GAD2: variants seen among roughly 807,000 people sequenced by gnomAD.
GAD2 encodes the protein glutamate decarboxylase 2.
In GAD2, 22 loss-of-function variants were observed where a neutral mutation model predicts 80.1. The observed-to-expected ratio is 0.27, with a 90% confidence interval of 0.20 to 0.39. The LOEUF (loss-of-function observed/expected upper bound fraction) is 0.39. Among genes scored for constraint, GAD2 ranks in the 10% least tolerant of loss-of-function variants. The pLI is 1.00. For missense variants in GAD2, 624 were observed against 738.4 expected (o/e 0.85, Z 1.80); for synonymous variants, 274 against 256.9 (o/e 1.07, Z -0.64).
intron 6 of GAD2, among the ~76,000 whole-genome samples, chr10:26,227,144 C>T (rs1420696651): frequency 6.6e-6 from 1 of 152,132 alleles, no homozygotes; most frequent in African/African-American, 2.4e-5. Flanking sequence ...AGGCATGCAC[C>T]ACCATGCCCA....
intron 8 of GAD2, among the ~76,000 whole-genome samples, chr10:26,258,705 G>T (rs1844973422): frequency 6.6e-6 from 1 of 152,114 alleles, no homozygotes; most frequent in Admixed American, 6.5e-5. Flanking sequence ...GCATGTGTTA[G>T]AATTTCCTTC....
chr10:26,275,330 C>A (rs1025850063), intron 11 of GAD2, among the ~76,000 whole-genome samples: 1 of 152,190 alleles, frequency 6.6e-6, no homozygotes, highest in African/African-American at 2.4e-5. Context: ...AAAGTCCTGG[C>A]ACATCCTCCA....
chr10:26,285,059 G>T (rs1281667266), intron 12 of GAD2, among the ~76,000 whole-genome samples: 1 of 152,168 alleles, frequency 6.6e-6, no homozygotes, highest in Non-Finnish European at 1.5e-5. Flanking sequence ...AAATAAAAGT[G>T]AGTGTTGCAA....
At position 26,229,761 on chromosome 10, in the gene GAD2, C is replaced by G; in HGVS notation, c.824C>G (p.Ala275Gly). 1 of 1,612,300 alleles carries G rather than the reference C, an allele frequency of 6.2e-7. No individual in the cohort carries two copies. Among genetic ancestry groups the G allele is most frequent in the Non-Finnish European group, 8.5e-7 (1 of 1,178,394 alleles). ...ATGGCTGCTCTTCCCAGGCTCATTG[C>G]CTTCACGTCTGAACATGTATGTGTT... ...KGMAALPRLI[A>G]FTSEHSHFSL... The change falls in exon 7 of 16, where the codon GCC becomes GGC. Residue 275 changes from alanine to glycine, a missense_variant. Physicochemically the swap from Ala to Gly is moderately conservative, Grantham distance 60 (BLOSUM62 0). Transcript: ENST00000376261.
intron 8 of GAD2, among the ~76,000 whole-genome samples, chr10:26,256,765 G>T (rs1844947944): frequency 6.6e-6 from 1 of 152,152 alleles, no homozygotes; most frequent in Non-Finnish European, 1.5e-5. Context: ...TTTTGGTGAA[G>T]GCAGTGTCTG....
chr10:26,249,274 C>T (rs1210235390), intron 8 of GAD2, among the ~76,000 whole-genome samples: 1 of 152,160 alleles, frequency 6.6e-6, no homozygotes, highest in Non-Finnish European at 1.5e-5. Flanking sequence ...ATTGGTCAGG[C>T]TGGTCTTGAA....
chr10:26,285,419 G>A (rs1402074998), intron 12 of GAD2, among the ~76,000 whole-genome samples: 1 of 152,194 alleles, frequency 6.6e-6, no homozygotes, highest in Non-Finnish European at 1.5e-5. Flanking sequence ...CAAAGCTTTT[G>A]TAAAATCACA....
intron 6 of GAD2, among the ~76,000 whole-genome samples, chr10:26,228,816 G>T (rs918297622): frequency 6.6e-6 from 1 of 151,224 alleles, no homozygotes; most frequent in Admixed American, 6.6e-5. Context: ...ACCAGCCCCC[G>T]ACCTTCCATA....
chr10:26,288,686 C>G (rs186816121), intron 13 of GAD2, among the ~76,000 whole-genome samples: 1 of 152,282 alleles, frequency 6.6e-6, no homozygotes, highest in African/African-American at 2.4e-5. Context: ...GCCAAGTTCT[C>G]TCTTACTTCA....
intron 8 of GAD2, among the ~76,000 whole-genome samples, chr10:26,247,374 T>TATCTC (rs891541804): frequency 3.3e-5 from 5 of 150,754 alleles, no homozygotes; most frequent in African/African-American, 1.2e-4. Flanking sequence ...GCTGACCTCC[T>TATCTC]ATCTCGTGAC....
intron 15 of GAD2, among the ~76,000 whole-genome samples, chr10:26,297,055 C>T (rs1834282621): frequency 6.6e-6 from 1 of 152,068 alleles, no homozygotes; most frequent in African/African-American, 2.4e-5. Flanking sequence ...GCTGGGATTA[C>T]AGGCACACAC....
At position 26,216,785 on chromosome 10, in the gene GAD2, C is replaced by A. The variant is rs763141517; in HGVS notation, c.-25C>A. On this transcript the variant is annotated 5_prime_UTR_variant, in exon 1 of 16. Transcript: ENST00000376261. This position sits in a 1 kb window ranked among gnomAD's most constrained non-coding sequence, Gnocchi z 4.7. ...CTCGCCCGCAGCTCGCACTCGCAGG[C>A]GACCTGCTCCAGTCTCCAAAGCCGA... 3 of 1,598,490 alleles carry A rather than the reference C, an allele frequency of 1.9e-6. No individual in the cohort carries two copies. Among genetic ancestry groups the A allele is most frequent in the Non-Finnish European group, 2.6e-6 (3 of 1,172,430 alleles).
chr10:26,273,043 A>C (rs1485823429), intron 10 of GAD2, among the ~76,000 whole-genome samples: 4 of 152,260 alleles, frequency 2.6e-5, no homozygotes, highest in Non-Finnish European at 5.9e-5. Context: ...TTTTTAAAGG[A>C]GATTACTACA....
rs558942415 is a variant in GAD2 at position 26,242,501 on chromosome 10, T to G, written c.841-3420T>G. On this transcript the variant is annotated intron_variant, in intron 7 of 15. Coordinates refer to ENST00000376261, the MANE Select transcript of GAD2 (RefSeq NM_001134366.2). ...AGAGAGACATGCCATTTAAGCTATC[T>G]TCACTGTTTCTCCCTCATTAGGTAG... Among the ~76,000 whole-genome samples the G allele has an allele frequency of 5.3e-5, 8 of 152,344 alleles. No individual in the cohort carries two copies. In the South Asian group the frequency reaches 1.7e-3, roughly 32 times the overall value.
Position 26,246,020 on chromosome 10 carries a change from T to A in GAD2, c.920+20T>A, listed in dbSNP as rs377695123. ...TGAGAGGTGAGCACGCATCGGCAAC[T>A]CTTGTTGGTTAGCAATTTGCAAATT... On this transcript the variant is annotated intron_variant, in intron 8 of 15. Transcript: ENST00000376261. 6 of 1,609,032 alleles carry A rather than the reference T, an allele frequency of 3.7e-6. No homozygotes were observed. The African/African-American group carries it at 5.4e-5, about 14-fold the overall frequency.
At chr10:26,268,361 G>A (rs965279463) in intron 8 of GAD2, among the ~76,000 whole-genome samples, 3 of 152,036 alleles carry the variant, frequency 2.0e-5, no homozygotes, top group African/African-American at 4.8e-5. Context: ...CCAGCTACTC[G>A]GGAGGCTGAG....
At chr10:26,225,300 C>G (rs1275174768) in intron 6 of GAD2, among the ~76,000 whole-genome samples, 1 of 152,234 alleles carries the variant, frequency 6.6e-6, no homozygotes, top group Non-Finnish European at 1.5e-5. Context: ...AGCTCCATTA[C>G]TTAGACCTCT....
chr10:26,248,688 G>C (rs1034231557), intron 8 of GAD2, among the ~76,000 whole-genome samples: 1 of 152,088 alleles, frequency 6.6e-6, no homozygotes, highest in African/African-American at 2.4e-5. Context: ...CCACTAAAAG[G>C]GCTCCCTGCC....
intron 8 of GAD2, among the ~76,000 whole-genome samples, chr10:26,257,536 G>A (rs566760411): frequency 6.6e-6 from 1 of 152,268 alleles, no homozygotes; most frequent in East Asian, 1.9e-4. Context: ...TGACCAAGAC[G>A]CATGATACCT....
Sources: allele counts gnomAD v4.1 joint callset (sites outside exome capture counted in the v4.1 genomes callset), GRCh38; gene constraint gnomAD v4.1.1; non-coding constraint Gnocchi (gnomAD v3.1); transcripts MANE v1.5; gene names NCBI Gene and HGNC (gene_info 2026-07-23, HGNC 2026-07-21).